TMOD2: variants seen among roughly 807,000 people sequenced by gnomAD.
TMOD2 encodes the protein tropomodulin-2.
Under a neutral mutation model 39.9 loss-of-function variants are expected in TMOD2, and 22 were observed. The observed-to-expected ratio is 0.55, with a 90% confidence interval of 0.39 to 0.79. The LOEUF (loss-of-function observed/expected upper bound fraction) is 0.79, where lower values mean the gene tolerates loss of function less well. Ranked by LOEUF, TMOD2 falls within the 30% of genes least tolerant of loss-of-function variation. TMOD2 has a pLI of 0.00. For synonymous variants in TMOD2, 123 were observed against 146.1 expected, an observed-to-expected ratio of 0.84 and a Z score of 1.14; for missense variants, 386 against 413.3, an observed-to-expected ratio of 0.93 and a Z score of 0.57.
At chr15:51,804,002 C>T (rs866254672) in intron 8 of TMOD2, among the ~76,000 whole-genome samples, 1 of 152,122 alleles carries the variant, frequency 6.6e-6, no homozygotes, top group Admixed American at 6.6e-5. Flanking sequence ...AAGTAACACT[C>T]GTACAGTTAG....
rs916717023 is a variant in TMOD2 at position 51,773,148 on chromosome 15, A to G, written c.284-564A>G. On this transcript the variant is annotated intron_variant, in intron 3 of 9. Transcript: ENST00000249700. The stretch of plus-strand genomic sequence containing the variant: ...AATAGCCTCCCCTTGACCTGAGGGT[A>G]CACACCCAGCAGCATGACCTGCCTT... 7.2e-5 allele frequency among the ~76,000 whole-genome samples: 11 copies of G among 152,130 alleles called. 1 individual carries two copies. Among genetic ancestry groups the G allele is most frequent in the Admixed American group, 6.5e-4 (10 of 15,278 alleles).
intron 7 of TMOD2, chr15:51,784,554 G>T (rs184620081): frequency 1.3e-5 from 2 of 152,200 alleles, no homozygotes; most frequent in Admixed American, 6.5e-5. Context: ...AAGCACTCAT[G>T]TAAAAGAGGA....
Position 51,789,058 on chromosome 15 carries a change from G to C in TMOD2, c.732+6230G>C, listed in dbSNP as rs1280257499. On this transcript the variant is annotated intron_variant, in intron 7 of 9. Transcript: ENST00000249700. ...CTAAATGCCCCAGTTAAAAGACACAGACTGGCAAATTGGATAAAGAGTCAA... is the reference window on the plus strand; with the variant it reads ...CTAAATGCCCCAGTTAAAAGACACACACTGGCAAATTGGATAAAGAGTCAA... 6.6e-5 allele frequency among the ~76,000 whole-genome samples: 10 copies of C among 152,160 alleles called. No individual in the cohort carries two copies. The East Asian group carries it at 1.7e-3, about 26-fold the overall frequency.
intron 1 of TMOD2, among the ~76,000 whole-genome samples, chr15:51,764,379 A>G (rs1019106226): frequency 6.6e-6 from 1 of 152,198 alleles, no homozygotes; most frequent in Non-Finnish European, 1.5e-5. Flanking sequence ...TGAAAGGGGT[A>G]TCGACACAGA....
intron 8 of TMOD2, among the ~76,000 whole-genome samples, chr15:51,805,083 CA>C (rs2056113641): frequency 6.6e-6 from 1 of 151,812 alleles, no homozygotes; most frequent in African/African-American, 2.4e-5. Flanking sequence ...CTCAGCCTCC[CA>C]AGTAGCTGGG....
chr15:51,804,170 T>C (rs775805155), intron 8 of TMOD2, among the ~76,000 whole-genome samples: 4 of 152,194 alleles, frequency 2.6e-5, no homozygotes, highest in Non-Finnish European at 4.4e-5. Flanking sequence ...GCAGTTTTGT[T>C]TGGGATAGTG....
chr15:51,805,262 C>T (rs1180819227), intron 8 of TMOD2, among the ~76,000 whole-genome samples: 2 of 151,296 alleles, frequency 1.3e-5, no homozygotes, highest in Non-Finnish European at 2.9e-5. Flanking sequence ...GCCCGGCCTC[C>T]GTCTTAAAAA....
chr15:51,792,975 C>T (rs551435135), intron 7 of TMOD2, among the ~76,000 whole-genome samples: 130 of 152,016 alleles, frequency 8.6e-4, no homozygotes, highest in Non-Finnish European at 1.4e-3. Context: ...AACACAACTG[C>T]GCATTCTGCA....
chr15:51,797,344 G>A (rs570697891), intron 7 of TMOD2, among the ~76,000 whole-genome samples: 1 of 152,288 alleles, frequency 6.6e-6, no homozygotes. Flanking sequence ...GGTGCTGGGA[G>A]GGATAGTGTA....
chr15:51,775,603 A>T (rs1595867641), intron 4 of TMOD2, among the ~76,000 whole-genome samples: 1 of 97,308 alleles, frequency 1.0e-5, no homozygotes. Context: ...TTTGAGACGG[A>T]GTCTCACTCT....
intron 1 of TMOD2, among the ~76,000 whole-genome samples, chr15:51,765,740 G>C (rs111552127): frequency 1.3e-4 from 20 of 152,200 alleles, no homozygotes; most frequent in African/African-American, 4.8e-4. Context: ...AATGGGACTA[G>C]AAATAGAATG....
intron 8 of TMOD2, among the ~76,000 whole-genome samples, chr15:51,805,384 C>T (rs1399518258): frequency 1.3e-5 from 2 of 152,094 alleles, no homozygotes; most frequent in Admixed American, 6.5e-5. Flanking sequence ...AGTCCAGGAA[C>T]CCCCTTCAGA....
chr15:51,776,862 G>C, intron 4 of TMOD2, 70 bp from the exon 5 acceptor site: 1 of 1,262,508 alleles, frequency 7.9e-7, no homozygotes, highest in Non-Finnish European at 1.2e-6. Flanking sequence ...TTCTTCAAGG[G>C]ACAAATTAAC....
At chr15:51,785,256 C>CA (rs1474406299) in intron 7 of TMOD2, among the ~76,000 whole-genome samples, 1 of 151,694 alleles carries the variant, frequency 6.6e-6, no homozygotes, top group East Asian at 1.9e-4. Flanking sequence ...ACTAAAAATA[C>CA]AAAAAATTAG....
In TMOD2 at chr15:51,812,427, C is replaced by T. The variant is rs559104791; in HGVS notation, c.*3973C>T. ...TCTTAAAACCAATATTAAGCATCAG[C>T]ATGCTTTAAGTGTAAGATAGCCCTT... is the stretch of plus-strand genomic sequence containing the variant. On this transcript the variant is annotated 3_prime_UTR_variant, in exon 10 of 10. Transcript: ENST00000249700. The T allele has an allele frequency of 6.6e-6, 1 of 152,356 alleles. No homozygotes were observed. The highest frequency in any genetic ancestry group is 2.1e-4 in the South Asian group (1 of 4,828). The allele number at this position is 152,356 out of a possible 1,614,324, so 9.4% of individuals were successfully genotyped here. A position where few individuals can be genotyped will look rare whatever the true frequency, so the allele number is the denominator to read the frequency against.
intron 1 of TMOD2, among the ~76,000 whole-genome samples, chr15:51,763,254 T>C (rs2055793900): frequency 6.6e-6 from 1 of 152,248 alleles, no homozygotes; most frequent in South Asian, 2.1e-4. Context: ...TTGTTTTTTA[T>C]TCATTTACTA....
In TMOD2 at chr15:51,798,343, A is replaced by G; in HGVS notation, c.876+3A>G. On this transcript the variant is annotated splice_donor_region_variant and intron_variant, in intron 8 of 9. Transcript: ENST00000249700. ...CAGAAATCAAGATTGACAACCAGGTAAGGAAGGCCAGAGAATAGGCAAAGT... is the reference window on the plus strand; with the variant it reads ...CAGAAATCAAGATTGACAACCAGGTGAGGAAGGCCAGAGAATAGGCAAAGT... 1 of 1,613,374 alleles carries G rather than the reference A, an allele frequency of 6.2e-7. No individual in the cohort carries two copies. The highest frequency in any genetic ancestry group is 1.1e-5 in the South Asian group (1 of 90,860).
intron 3 of TMOD2, among the ~76,000 whole-genome samples, chr15:51,772,773 T>G (rs916831758): frequency 8.5e-5 from 13 of 152,112 alleles, no homozygotes; most frequent in Admixed American, 7.9e-4. Context: ...GCCCCAGATA[T>G]GGCATGCTAG....
intron 7 of TMOD2, among the ~76,000 whole-genome samples, chr15:51,792,103 A>C (rs187331478): frequency 6.6e-6 from 1 of 152,356 alleles, no homozygotes; most frequent in East Asian, 1.9e-4. Context: ...AAAAATTTGC[A>C]ATCTATCCAT....
Sources: allele counts gnomAD v4.1 joint callset (sites outside exome capture counted in the v4.1 genomes callset), GRCh38; gene constraint gnomAD v4.1.1; transcripts MANE v1.5; gene names NCBI Gene and HGNC (gene_info 2026-07-23, HGNC 2026-07-21).